COL23A1: variants seen among roughly 807,000 people sequenced by gnomAD.
COL23A1 encodes collagen type XXIII alpha 1 chain.
A neutral mutation model predicts 99.3 loss-of-function variants in COL23A1; 97 were observed. The observed-to-expected ratio is 0.98, with a 90% confidence interval of 0.83 to 1.16. The LOEUF is 1.16. COL23A1 is among the 50% of genes most tolerant of loss of function. The pLI, the probability that COL23A1 is intolerant of heterozygous loss-of-function variation, is 0.00. For missense variants in COL23A1, 762 were observed against 757.4 expected, an observed-to-expected ratio of 1.01 and a Z score of -0.07; for synonymous variants, 320 against 308.2, an observed-to-expected ratio of 1.04 and a Z score of -0.40.
rs909345535 is a variant in COL23A1 at position 178,308,339 on chromosome 5, G to A, written c.362-1420C>T. On this transcript the variant is annotated intron_variant, in intron 2 of 28. Transcript: ENST00000390654. This position sits in a 1 kb window ranked among gnomAD's most constrained non-coding sequence, Gnocchi z 5.1. ...CTCAGGGACAGGGGACTTGAGGTGA[G>A]GATTGTTAAACAAAACTTAAAAATG... Among the ~76,000 whole-genome samples the A allele has an allele frequency of 6.6e-6, 1 of 152,162 alleles. No individual in the cohort carries two copies. The highest frequency in any genetic ancestry group is 1.5e-5 in the Non-Finnish European group (1 of 68,034).
intron 8 of COL23A1, among the ~76,000 whole-genome samples, chr5:178,264,991 G>A (rs1671158934): frequency 6.6e-6 from 1 of 152,178 alleles, no homozygotes; most frequent in Non-Finnish European, 1.5e-5. Flanking sequence ...CCAGTTCACT[G>A]TTATTGTCCC....
intron 1 of COL23A1, among the ~76,000 whole-genome samples, chr5:178,578,332 G>A (rs143302068): frequency 2.6e-5 from 4 of 152,112 alleles, no homozygotes; most frequent in Non-Finnish European, 5.9e-5. Context: ...ACTAGCTCAC[G>A]CTCACACACA....
chr5:178,345,370 A>G (rs1760904116), intron 2 of COL23A1: 2 of 454,202 alleles, frequency 4.4e-6, no homozygotes, highest in South Asian at 4.4e-5. Context: ...GGGCCTGCTT[A>G]TTAGACCTTT....
intron 2 of COL23A1, among the ~76,000 whole-genome samples, chr5:178,316,468 T>C (rs1457950998): frequency 6.6e-6 from 1 of 152,196 alleles, no homozygotes; most frequent in East Asian, 1.9e-4. Context: ...TTTCATCAAA[T>C]TCAGTGTGGA....
In COL23A1 at chr5:178,402,107, C is replaced by T. The variant is rs537605460; in HGVS notation, c.362-95188G>A. On this transcript the variant is annotated intron_variant, in intron 2 of 28. Coordinates refer to ENST00000390654, the MANE Select transcript of COL23A1 (RefSeq NM_173465.4). ...CTGGAATTACAGGTGTGAGCCACCG[C>T]GCCCAGCTGCCTTTGTCTTTTAACC... is the stretch of plus-strand genomic sequence containing the variant. Among the ~76,000 whole-genome samples, 28 of 152,252 alleles carry T rather than the reference C, an allele frequency of 1.8e-4. No individual in the cohort carries two copies. The East Asian group carries it at 3.9e-3, about 21-fold the overall frequency.
chr5:178,238,376 T>G lies in COL23A1; in HGVS notation c.*322A>C. On this transcript the variant is annotated 3_prime_UTR_variant, in exon 29 of 29. Transcript: ENST00000390654. ...TACAGGGCAGTACCACAGCTGAGAG[T>G]CTCTCTGCTGATCAGGTGACTGAAG... 5.4e-6 allele frequency: 2 copies of G among 368,308 alleles called. No homozygotes were observed. The highest frequency in any genetic ancestry group is 5.0e-6 in the Non-Finnish European group (1 of 199,166). The allele number at this position is 368,308 out of a possible 1,614,324, so 22.8% of individuals were successfully genotyped here. A position where few individuals can be genotyped will look rare whatever the true frequency, so the allele number is the denominator to read the frequency against.
intron 2 of COL23A1, among the ~76,000 whole-genome samples, chr5:178,388,603 C>G (rs554238885): frequency 6.6e-6 from 1 of 152,204 alleles, no homozygotes; most frequent in Non-Finnish European, 1.5e-5. Context: ...CTGTCATCAA[C>G]TTCCTCCCCT....
rs1764259007 is a variant in COL23A1, at chr5:178,239,136, G to A, written c.1620+5C>T. 11 of 1,613,334 alleles carry A rather than the reference G, an allele frequency of 6.8e-6. No individual in the cohort carries two copies. The highest frequency in any genetic ancestry group is 3.3e-5 in the Admixed American group (2 of 59,984). ...GCCTGCCCTGGAGACTTCCCTGCACGGTACCTTATGCCAGCAGCCAGGCAC... is the reference window on the plus strand; with the variant it reads ...GCCTGCCCTGGAGACTTCCCTGCACAGTACCTTATGCCAGCAGCCAGGCAC... On this transcript the variant is annotated splice_donor_5th_base_variant and intron_variant, in intron 28 of 28. Transcript: ENST00000390654.
chr5:178,246,490 G>A, intron 22 of COL23A1, 37 bp from the exon 23 acceptor site: 1 of 1,547,608 alleles, frequency 6.5e-7, no homozygotes, highest in Admixed American at 2.0e-5. Flanking sequence ...AAGGGGAAGG[G>A]GTTAGACAGA....
At chr5:178,263,151 T>A in intron 9 of COL23A1, 57 bp downstream of exon 9, 1 of 1,254,324 alleles carries the variant, frequency 8.0e-7, no homozygotes, top group Non-Finnish European at 1.2e-6. Context: ...GGCTCTGGAA[T>A]CAGGATTTGG....
intron 25 of COL23A1, among the ~76,000 whole-genome samples, chr5:178,244,569 G>T (rs1422100129): frequency 6.6e-6 from 1 of 152,128 alleles, no homozygotes; most frequent in African/African-American, 2.4e-5. Context: ...TTTCTTCTTA[G>T]TTTGGGCCTG....
In COL23A1 at chr5:178,263,444, G is replaced by A. The variant is rs954983682; in HGVS notation, c.523-120C>T. 3 of 651,438 alleles carry A rather than the reference G, an allele frequency of 4.6e-6. No homozygotes were observed. In the East Asian group the frequency reaches 8.4e-5, roughly 18 times the overall value. The allele number at this position is 651,438 out of a possible 1,614,324, so 40.4% of individuals were successfully genotyped here. A position where few individuals can be genotyped will look rare whatever the true frequency, so the allele number is the denominator to read the frequency against. On this transcript the variant is annotated intron_variant, in intron 8 of 28. Coordinates refer to ENST00000390654, the MANE Select transcript of COL23A1 (RefSeq NM_173465.4). ...TCCCCAGCCCTTGGGCAGGCTCAAA[G>A]GGGAGGGCTTTGTTATTGGGCCTCT...
At position 178,245,971 on chromosome 5, in the gene COL23A1, G is replaced by T; in HGVS notation, c.1414-3C>A. ...AGTCCTGGCTCCCCGGGTCTGCCCT[G>T]AGGAGAGACACAGAGTGGGTGAGAG... On this transcript the variant is annotated splice_region_variant and splice_polypyrimidine_tract_variant and intron_variant, in intron 24 of 28. Transcript: ENST00000390654. 1 of 1,614,072 alleles carries T rather than the reference G, an allele frequency of 6.2e-7. No individual in the cohort carries two copies. The highest frequency in any genetic ancestry group is 8.5e-7 in the Non-Finnish European group (1 of 1,179,992).
At chr5:178,252,914 T>C (rs1286320664) in intron 16 of COL23A1, among the ~76,000 whole-genome samples, 1 of 152,200 alleles carries the variant, frequency 6.6e-6, no homozygotes, top group Non-Finnish European at 1.5e-5. Context: ...TTTGGCTCCC[T>C]ATTGCCTCTC....
At chr5:178,493,879 T>C (rs929138816) in intron 2 of COL23A1, among the ~76,000 whole-genome samples, 6 of 152,218 alleles carry the variant, frequency 3.9e-5, no homozygotes, top group African/African-American at 1.4e-4. Context: ...CAAATGTCAA[T>C]GCATGCAATC....
chr5:178,240,969 AG>A (rs2127522745), intron 27 of COL23A1, among the ~76,000 whole-genome samples: 1 of 152,314 alleles, frequency 6.6e-6, no homozygotes, highest in Admixed American at 6.5e-5. Flanking sequence ...GGCAGGGCAC[AG>A]TGGCTCACAC....
At chr5:178,317,442 G>A (rs894164228) in intron 2 of COL23A1, among the ~76,000 whole-genome samples, 2 of 152,230 alleles carry the variant, frequency 1.3e-5, no homozygotes, top group Non-Finnish European at 2.9e-5. Context: ...GTTAGATTCA[G>A]TGAGTCCTGC....
chr5:178,249,249 C>G (rs1289635024), intron 18 of COL23A1, 43 bp from the exon 19 acceptor site: 1 of 1,578,024 alleles, frequency 6.3e-7, no homozygotes, highest in Admixed American at 1.7e-5. Context: ...CTCAGGAGGT[C>G]CCCTCCCTTC....
At chr5:178,572,168 T>C (rs1014093283) in intron 1 of COL23A1, among the ~76,000 whole-genome samples, 1 of 150,230 alleles carries the variant, frequency 6.7e-6, no homozygotes, top group African/African-American at 2.5e-5. Context: ...AGATGAGACA[T>C]TGCCAAAGAA....
Sources: gnomAD v4.1 joint callset for allele counts (sites outside exome capture counted in the v4.1 genomes callset) on GRCh38, gnomAD v4.1.1 for gene constraint, Gnocchi (gnomAD v3.1) non-coding constraint, MANE v1.5 for transcripts, NCBI Gene and HGNC (gene_info 2026-07-23, HGNC 2026-07-21) for gene names.